Variants in AP3M1 observed in about 807,000 individuals in gnomAD.
AP3M1 encodes the protein adaptor related protein complex 3 subunit mu 1.
AP3M1 carries 29 observed loss-of-function variants against 42.6 expected under a neutral mutation model. That is an observed-to-expected ratio of 0.68 (90% confidence interval 0.51 to 0.93). The LOEUF is 0.93. Among genes scored for constraint, AP3M1 ranks in the 40% least tolerant of loss-of-function variants. The probability of loss-of-function intolerance (pLI) is 0.00; values close to 1 mark genes in which losing one functional copy is unlikely to be tolerated. For missense variants in AP3M1, 416 were observed against 510.2 expected (o/e 0.82, Z 1.78); for synonymous variants, 178 against 175.3 (o/e 1.02, Z -0.12).
chr10:74,133,166 G>A (rs1006629540), intron 4 of AP3M1, among the ~76,000 whole-genome samples: 1 of 151,958 alleles, frequency 6.6e-6, no homozygotes, highest in Admixed American at 6.6e-5. Flanking sequence ...AGGCCGAAAC[G>A]GGCAGATCAC....
chr10:74,133,152 T>A (rs890541860), intron 4 of AP3M1, among the ~76,000 whole-genome samples: 2 of 152,064 alleles, frequency 1.3e-5, no homozygotes, highest in African/African-American at 4.8e-5. Context: ...CCTAACACTT[T>A]GGGAGGCCGA....
intron 1 of AP3M1, among the ~76,000 whole-genome samples, chr10:74,149,544 TGCCA>T (rs1448370445): frequency 1.3e-5 from 2 of 151,994 alleles, no homozygotes; most frequent in Non-Finnish European, 2.9e-5. Flanking sequence ...CGCTTCAGCC[TGCCA>T]AAGTGCTGAG....
rs1284311219 is a variant in AP3M1 at position 74,126,233 on chromosome 10, G to T, written c.926C>A (p.Thr309Lys). The T allele has an allele frequency of 6.2e-7, 1 of 1,614,052 alleles. No homozygotes were observed. The highest frequency in any genetic ancestry group is 8.5e-7 in the Non-Finnish European group (1 of 1,180,038). The change falls in exon 7 of 9, where the codon ACA (threonine) becomes AAA (lysine). Residue 309 changes from threonine (T) to lysine (K), a missense_variant. Physicochemically the swap from Thr to Lys is moderately conservative, Grantham distance 78 (BLOSUM62 -1). Transcript: ENST00000355264. ...AACTTTTGGCATGTGAACTGTCACT[G>T]TAATTCCTTCAATAGTTTTCCCCAT... ...QNMGKTIEGI[T>K]VTVHMPKVVL...
intron 1 of AP3M1, among the ~76,000 whole-genome samples, chr10:74,139,305 C>T (rs1447393247): frequency 6.6e-6 from 1 of 151,908 alleles, no homozygotes; most frequent in Non-Finnish European, 1.5e-5. Flanking sequence ...TATTTCTATC[C>T]ACTATAGCTA....
chr10:74,133,986 G>T (rs1423536034), intron 4 of AP3M1, 41 bp downstream of exon 4: 1 of 1,608,108 alleles, frequency 6.2e-7, no homozygotes, highest in African/African-American at 1.3e-5. Flanking sequence ...TGTGTCAGAT[G>T]AATTGTTTTT....
intron 1 of AP3M1, among the ~76,000 whole-genome samples, chr10:74,140,608 TA>T (rs201958645): frequency 0.12 from 18,174 of 146,100 alleles, 1,124 homozygotes; most frequent in Middle Eastern, 0.21. Context: ...ATATTTGAAT[TA>T]AAAAAAAAAA....
At chr10:74,126,453 C>T in intron 6 of AP3M1, 98 bp from the exon 7 acceptor site, 2 of 878,916 alleles carry the variant, frequency 2.3e-6, no homozygotes, top group Non-Finnish European at 3.5e-6. Flanking sequence ...CCAGAGTATC[C>T]TACCCTGCCT....
chr10:74,149,304 T>TTTTTTTTTTTC (rs1841453888), intron 1 of AP3M1, among the ~76,000 whole-genome samples: 1 of 87,230 alleles, frequency 1.1e-5, no homozygotes, highest in African/African-American at 4.5e-5. Context: ...TTTTTTTTTT[T>TTTTTTTTTTTC]TTCGAGGCAG....
chr10:74,129,594 T>C (rs144091573), intron 5 of AP3M1, among the ~76,000 whole-genome samples: 108 of 152,280 alleles, frequency 7.1e-4, no homozygotes, highest in African/African-American at 2.5e-3. Context: ...TCTAAAATGA[T>C]ACAAAAGACC....
chr10:74,125,054 C>T (rs1254189688), intron 7 of AP3M1, among the ~76,000 whole-genome samples: 30 of 152,088 alleles, frequency 2.0e-4, no homozygotes, highest in Admixed American at 1.8e-3. Context: ...AATCTTGGCT[C>T]ACCACAAACT....
chr10:74,142,808 A>T (rs2131994845), intron 1 of AP3M1, among the ~76,000 whole-genome samples: 1 of 152,344 alleles, frequency 6.6e-6, no homozygotes, highest in African/African-American at 2.4e-5. Flanking sequence ...TTTTAACTAT[A>T]ATCTTTAGCT....
Position 74,128,130 on chromosome 10 carries a change from AG to A in AP3M1, c.803+977del, listed in dbSNP as rs1339021459. On this transcript the variant is annotated intron_variant, in intron 6 of 8. Coordinates refer to ENST00000355264, the MANE Select transcript of AP3M1 (RefSeq NM_012095.6). The stretch of plus-strand genomic sequence containing the variant: ...AAAAAAAAAAAAAAAAAAAAGGAAA[AG>A]AAAAGAGCCGAGAAATAATTTCTCT... Among the ~76,000 whole-genome samples the A allele has an allele frequency of 3.6e-4, 51 of 140,728 alleles. 2 individuals are homozygous for A. The highest frequency in any genetic ancestry group is 6.6e-4 in the African/African-American group (24 of 36,348). The allele number at this position is 140,728 out of a possible 152,430, so 92.3% of individuals were successfully genotyped here.
Position 74,134,136 on chromosome 10 carries a change from G to A in AP3M1, c.474C>T (p.Pro158=). ...TGSSNVGDTL[P]TGQLSNIPWR... ...ATGGTATGTTGGACAGCTGCCCGGT[G>A]GGGAGTGTGTCCCCAACATTACTAC... Residue 158 remains proline, a synonymous_variant, in exon 4 of 9, where the codon CCC becomes CCT. Coordinates refer to ENST00000355264, the MANE Select transcript of AP3M1 (RefSeq NM_012095.6). The A allele has an allele frequency of 1.2e-6, 2 of 1,614,094 alleles. No homozygotes were observed. Among genetic ancestry groups the A allele is most frequent in the Non-Finnish European group, 1.7e-6 (2 of 1,179,978 alleles).
At chr10:74,147,893 G>A (rs1265085620) in intron 1 of AP3M1, among the ~76,000 whole-genome samples, 1 of 152,174 alleles carries the variant, frequency 6.6e-6, no homozygotes, top group Non-Finnish European at 1.5e-5. Flanking sequence ...CAGCTACTCG[G>A]GAGGCTGAGG....
At chr10:74,134,939 C>T (rs1047708282) in intron 3 of AP3M1, among the ~76,000 whole-genome samples, 6 of 151,302 alleles carry the variant, frequency 4.0e-5, no homozygotes, top group African/African-American at 1.5e-4. Context: ...ATAATATTAA[C>T]ATTTTGGTAT....
chr10:74,124,906 G>T lies in AP3M1; in HGVS notation c.1012-382C>A, dbSNP rs531289620. ...CACATAGTTAGTCAGAGGTAAGGCT[G>T]GGATTTGAACCTAAGGCCCTCTGAT... On this transcript the variant is annotated intron_variant, in intron 7 of 8. Transcript: ENST00000355264. Among the ~76,000 whole-genome samples the T allele has an allele frequency of 5.3e-5, 8 of 152,266 alleles. No individual in the cohort carries two copies. In the South Asian group the frequency reaches 1.5e-3, roughly 28 times the overall value.
intron 1 of AP3M1, among the ~76,000 whole-genome samples, chr10:74,148,762 G>GC (rs1003952975): frequency 1.5e-4 from 23 of 152,138 alleles, no homozygotes; most frequent in African/African-American, 5.3e-4. Context: ...TCGCTATGTT[G>GC]CCCAGGCTGA....
chr10:74,143,937 A>G (rs1372758895), intron 1 of AP3M1, among the ~76,000 whole-genome samples: 2 of 152,186 alleles, frequency 1.3e-5, no homozygotes, highest in Non-Finnish European at 2.9e-5. Context: ...TGTACCCAAT[A>G]CTGAAGTTTT....
chr10:74,132,025 TTTTTTTC>T (rs1417925215), intron 4 of AP3M1, among the ~76,000 whole-genome samples: 9 of 152,088 alleles, frequency 5.9e-5, no homozygotes, highest in African/African-American at 1.9e-4. Flanking sequence ...AGGACTAGAT[TTTTTTTC>T]TTTTTTCTTT....
Sources: allele counts gnomAD v4.1 joint callset (sites outside exome capture counted in the v4.1 genomes callset), GRCh38; gene constraint gnomAD v4.1.1; transcripts MANE v1.5; gene names NCBI Gene and HGNC (gene_info 2026-07-23, HGNC 2026-07-21).